KLHL29: variants seen among roughly 807,000 people sequenced by gnomAD.
KLHL29 encodes kelch like family member 29, also known as kelch-like protein 29.
A neutral mutation model predicts 80.4 loss-of-function variants in KLHL29; 21 were observed. The ratio of observed to expected loss-of-function variants is 0.26; its 90% CI spans 0.19 to 0.38. The LOEUF is 0.38. Among genes scored for constraint, KLHL29 ranks in the 10% least tolerant of loss-of-function variants. KLHL29 has a pLI of 1.00. For missense variants in KLHL29, 867 were observed against 1,223.9 expected (o/e 0.71, Z 4.35); for synonymous variants, 511 against 526.8 (o/e 0.97, Z 0.41).
rs1028921879 is a variant in KLHL29, at chr2:23,517,145, C to T, written c.-46+41478C>T. Among the ~76,000 whole-genome samples, 5 of 152,202 alleles carry T rather than the reference C, an allele frequency of 3.3e-5. No individual in the cohort carries two copies. The East Asian group carries it at 5.8e-4, about 18-fold the overall frequency. On this transcript the variant is annotated intron_variant, in intron 2 of 13. Coordinates refer to ENST00000486442, the MANE Select transcript of KLHL29 (RefSeq NM_052920.2). ...CCGCTGTGGACGTGGAAGGCAGAGGCGCGTCCTCTCTCAGCCACTCTCCTC... is the reference window on the plus strand; with the variant it reads ...CCGCTGTGGACGTGGAAGGCAGAGGTGCGTCCTCTCTCAGCCACTCTCCTC...
At chr2:23,389,360 C>T (rs993267775) in intron 1 of KLHL29, among the ~76,000 whole-genome samples, 12 of 152,142 alleles carry the variant, frequency 7.9e-5, no homozygotes, top group Non-Finnish European at 1.5e-4. Context: ...AGCATTAGCA[C>T]GCTACTGACT....
chr2:23,448,700 C>T (rs551365967), intron 1 of KLHL29, among the ~76,000 whole-genome samples: 13 of 152,328 alleles, frequency 8.5e-5, no homozygotes, highest in Non-Finnish European at 1.5e-4. Context: ...GGAGAGGTGA[C>T]CATGACTGTT....
At chr2:23,478,685 T>G (rs961945964) in intron 2 of KLHL29, among the ~76,000 whole-genome samples, 4 of 152,034 alleles carry the variant, frequency 2.6e-5, no homozygotes, top group Admixed American at 1.3e-4. Context: ...CTGGAGGTGG[T>G]GAAGGGCAGT....
chr2:23,561,258 G>A (rs1187326465), intron 2 of KLHL29, among the ~76,000 whole-genome samples: 1 of 152,190 alleles, frequency 6.6e-6, no homozygotes, highest in African/African-American at 2.4e-5. Context: ...ACCAGGCCCT[G>A]GATGGGCAGG....
Position 23,642,441 on chromosome 2 carries a change from C to A in KLHL29, c.531C>A (p.Asn177Lys). Residue 177 changes from asparagine to lysine, a missense_variant, in exon 5 of 14, where the codon AAC (asparagine) becomes AAA (lysine). By Grantham distance (94) the Asn-to-Lys change is moderately conservative (BLOSUM62 0). Coordinates refer to ENST00000486442, the MANE Select transcript of KLHL29 (RefSeq NM_052920.2). The stretch of plus-strand genomic sequence containing the variant: ...CTCCCACCTTCAGCCCGGCTGTGAA[C>A]GTCCAGGCCCCGGTCATTGGGGTGA... ...AQPPTFSPAV[N>K]VQAPVIGVTP... 1.3e-6 allele frequency: 2 copies of A among 1,499,286 alleles called. No homozygotes were observed. The highest frequency in any genetic ancestry group is 1.8e-6 in the Non-Finnish European group (2 of 1,118,520). The allele number at this position is 1,499,286 out of a possible 1,614,324, so 92.9% of individuals were successfully genotyped here. A position where few individuals can be genotyped will look rare whatever the true frequency, so the allele number is the denominator to read the frequency against.
At chr2:23,479,775 C>T (rs1394506474) in intron 2 of KLHL29, among the ~76,000 whole-genome samples, 1 of 152,242 alleles carries the variant, frequency 6.6e-6, no homozygotes, top group Admixed American at 6.5e-5. Context: ...AGCCATGCAT[C>T]TCCTTCTCCT....
intron 3 of KLHL29, among the ~76,000 whole-genome samples, chr2:23,597,022 G>A (rs929574644): frequency 3.3e-5 from 5 of 152,070 alleles, no homozygotes; most frequent in Admixed American, 2.0e-4. Flanking sequence ...GAGCTGGATC[G>A]CTTGCTGCTT....
Position 23,393,645 on chromosome 2 carries a change from A to G in KLHL29, c.-154+7865A>G, listed in dbSNP as rs1316271035. On this transcript the variant is annotated intron_variant, in intron 1 of 13. Coordinates refer to ENST00000486442, the MANE Select transcript of KLHL29 (RefSeq NM_052920.2). The stretch of plus-strand genomic sequence containing the variant: ...CTTCTGTTCTATTTTTATTCTTTAT[A>G]TTAGTTTTTTCTCGAGATGGGTGTG... Among the ~76,000 whole-genome samples, 6 of 152,228 alleles carry G rather than the reference A, an allele frequency of 3.9e-5. No individual in the cohort carries two copies. The East Asian group carries it at 1.2e-3, about 29-fold the overall frequency.
chr2:23,559,506 A>C (rs1211187529), intron 2 of KLHL29, among the ~76,000 whole-genome samples: 2 of 152,120 alleles, frequency 1.3e-5, no homozygotes, highest in Admixed American at 6.6e-5. Flanking sequence ...TCGTGGCTGC[A>C]GATGGAGAAG....
intron 2 of KLHL29, among the ~76,000 whole-genome samples, chr2:23,478,032 C>T (rs1247722329): frequency 6.6e-6 from 1 of 152,170 alleles, no homozygotes; most frequent in Non-Finnish European, 1.5e-5. Flanking sequence ...GCAGTTTCAC[C>T]AGGCATAGCT....
At chr2:23,523,670 C>T (rs1043098587) in intron 2 of KLHL29, among the ~76,000 whole-genome samples, 20 of 152,136 alleles carry the variant, frequency 1.3e-4, no homozygotes, top group Admixed American at 2.6e-4. Flanking sequence ...TTATTCAGTT[C>T]AACAAACATT....
intron 1 of KLHL29, among the ~76,000 whole-genome samples, chr2:23,450,280 G>A (rs543861879): frequency 5.9e-5 from 9 of 152,230 alleles, no homozygotes; most frequent in South Asian, 2.1e-4. Flanking sequence ...AAGACGTGCC[G>A]CCAGGCCGAG....
chr2:23,698,426 A>G (rs1244476813), intron 11 of KLHL29, among the ~76,000 whole-genome samples: 1 of 152,200 alleles, frequency 6.6e-6, no homozygotes, highest in East Asian at 1.9e-4. Flanking sequence ...TTTCTGTGGC[A>G]CACAGTGGCA....
At chr2:23,586,680 A>T (rs1668127524) in intron 3 of KLHL29, among the ~76,000 whole-genome samples, 1 of 152,166 alleles carries the variant, frequency 6.6e-6, no homozygotes, top group Admixed American at 6.5e-5. Flanking sequence ...TTTTAAAGTA[A>T]GGATCGGGGG....
In KLHL29 at chr2:23,703,775, G is replaced by A. The variant is rs1210937338; in HGVS notation, c.2356G>A (p.Ala786Thr). ...LNGFVFILGG[A>T]YARATTIYDP... is the part of the protein sequence containing the mutation. ...TGGCTTCGTTTTCATCCTGGGCGGG[G>A]CTTATGCCAGAGCTACCACCATCTA... The change falls in exon 13 of 14, where the codon GCT (alanine) becomes ACT (threonine). Residue 786 changes from alanine to threonine, a missense_variant. By Grantham distance (58) the Ala-to-Thr change is moderately conservative. Coordinates refer to ENST00000486442, the MANE Select transcript of KLHL29 (RefSeq NM_052920.2). The A allele has an allele frequency of 6.5e-7, 1 of 1,537,384 alleles. No homozygotes were observed.
intron 3 of KLHL29, among the ~76,000 whole-genome samples, chr2:23,580,635 A>G (rs1667958414): frequency 1.6e-5 from 1 of 63,332 alleles, no homozygotes; most frequent in Non-Finnish European, 4.1e-5. Context: ...AGATCACGCC[A>G]CTGCACTCCA....
intron 1 of KLHL29, among the ~76,000 whole-genome samples, chr2:23,420,344 C>T (rs550002792): frequency 6.6e-6 from 1 of 152,294 alleles, no homozygotes; most frequent in East Asian, 1.9e-4. Flanking sequence ...CTGAAATTCT[C>T]ACTGCGTGCA....
rs1234603525 is a variant in KLHL29, at chr2:23,631,442, G to A, written c.286-7697G>A. Among the ~76,000 whole-genome samples, 5 of 152,272 alleles carry A rather than the reference G, an allele frequency of 3.3e-5. No homozygotes were observed. The South Asian group carries it at 8.3e-4, about 25-fold the overall frequency. ...TCCTTTAAACCATCATGCAGTTTCCGGCATGCGAGCCAGAAGTGTCTCAAT... is the reference window on the plus strand; with the variant it reads ...TCCTTTAAACCATCATGCAGTTTCCAGCATGCGAGCCAGAAGTGTCTCAAT... On this transcript the variant is annotated intron_variant, in intron 3 of 13. Coordinates refer to ENST00000486442, the MANE Select transcript of KLHL29 (RefSeq NM_052920.2).
At chr2:23,468,629 T>G (rs182557576) in intron 1 of KLHL29, among the ~76,000 whole-genome samples, 23 of 152,292 alleles carry the variant, frequency 1.5e-4, no homozygotes, top group African/African-American at 5.3e-4. Context: ...CTATGCTGTC[T>G]GTTTCTCCTG....
Sources: allele counts gnomAD v4.1 joint callset (sites outside exome capture counted in the v4.1 genomes callset), GRCh38; gene constraint gnomAD v4.1.1; transcripts MANE v1.5; gene names NCBI Gene and HGNC (gene_info 2026-07-23, HGNC 2026-07-21).